Variants in DLG2 observed in about 807,000 individuals in gnomAD.
DLG2 encodes discs large MAGUK scaffold protein 2.
In DLG2, 45 loss-of-function variants were observed where a neutral mutation model predicts 132.5. That is an observed-to-expected ratio of 0.34 (90% CI 0.27 to 0.44). The LOEUF is 0.44. Ranked by LOEUF, DLG2 falls within the 20% of genes least tolerant of loss-of-function variation. The pLI is 1.00. For missense variants in DLG2, 1,045 were observed against 1,196.9 expected, an observed-to-expected ratio of 0.87 and a Z score of 1.87; for synonymous variants, 424 against 419.6, an observed-to-expected ratio of 1.01 and a Z score of -0.13.
At chr11:84,427,059 T>C (rs895821542) in intron 7 of DLG2, among the ~76,000 whole-genome samples, 1 of 152,118 alleles carries the variant, frequency 6.6e-6, no homozygotes, top group African/African-American at 2.4e-5. Context: ...GAGATATAAT[T>C]ACACACCTCC....
intron 3 of DLG2, among the ~76,000 whole-genome samples, chr11:85,351,446 T>G (rs1004101644): frequency 6.6e-6 from 1 of 152,200 alleles, no homozygotes; most frequent in Non-Finnish European, 1.5e-5. Flanking sequence ...TCCAACACTA[T>G]GTTGAATAGG....
At chr11:84,985,948 C>T (rs1216098290) in intron 6 of DLG2, among the ~76,000 whole-genome samples, 1 of 122,590 alleles carries the variant, frequency 8.2e-6, no homozygotes, top group Non-Finnish European at 1.6e-5. Flanking sequence ...GCCACGATTG[C>T]ACCATTGCAC....
At chr11:83,769,376 C>G (rs1231110628) in intron 18 of DLG2, among the ~76,000 whole-genome samples, 1 of 152,104 alleles carries the variant, frequency 6.6e-6, no homozygotes, top group African/African-American at 2.4e-5. Context: ...ACTAGAGTCA[C>G]TCCTTTCCCC....
At chr11:83,692,294 T>C (rs780885890) in intron 18 of DLG2, among the ~76,000 whole-genome samples, 2 of 152,250 alleles carry the variant, frequency 1.3e-5, no homozygotes, top group Non-Finnish European at 2.9e-5. Context: ...CTTAAAATTA[T>C]TGGCAAATCA....
intron 3 of DLG2, among the ~76,000 whole-genome samples, chr11:85,335,316 T>C (rs1271050252): frequency 6.6e-6 from 1 of 152,144 alleles, no homozygotes; most frequent in African/African-American, 2.4e-5. Context: ...TGTCACTGCA[T>C]GTGAGACGGG....
At position 83,940,649 on chromosome 11, in the gene DLG2, T is replaced by C. The variant is rs137893836; in HGVS notation, c.1341-10166A>G. On this transcript the variant is annotated intron_variant, in intron 14 of 27. Coordinates refer to ENST00000376104, the MANE Select transcript of DLG2 (RefSeq NM_001142699.3). The stretch of plus-strand genomic sequence containing the variant: ...ATACTTGCCCTCAGTGATCTGATTA[T>C]ATTTCTTGGTCATATTAGCAATTAT... 5.9e-3 allele frequency among the ~76,000 whole-genome samples: 904 copies of C among 152,310 alleles called. 4 individuals carry two copies. Among genetic ancestry groups the C allele is most frequent in the Middle Eastern group, 0.048 (14 of 294 alleles).
intron 7 of DLG2, among the ~76,000 whole-genome samples, chr11:84,523,988 A>G (rs1457410152): frequency 6.6e-6 from 1 of 152,174 alleles, no homozygotes; most frequent in Admixed American, 6.5e-5. Flanking sequence ...TTCAAAACCC[A>G]TAGAGAGAAC....
chr11:85,421,873 G>C (rs1385136639), intron 3 of DLG2, among the ~76,000 whole-genome samples: 1 of 152,052 alleles, frequency 6.6e-6, no homozygotes, highest in Non-Finnish European at 1.5e-5. Context: ...TTTTGCAGTG[G>C]TGGGTCGGTA....
intron 3 of DLG2, among the ~76,000 whole-genome samples, chr11:85,302,104 A>G (rs2079620725): frequency 6.6e-6 from 1 of 152,194 alleles, no homozygotes; most frequent in Non-Finnish European, 1.5e-5. Context: ...ATTCACAGGA[A>G]GGTAGACTCA....
intron 6 of DLG2, among the ~76,000 whole-genome samples, chr11:85,099,102 A>C (rs1366177948): frequency 6.6e-6 from 1 of 152,210 alleles, no homozygotes; most frequent in East Asian, 1.9e-4. Context: ...TGCTGTTAAA[A>C]GTTTTCTTCG....
rs143647079 is a variant in DLG2, at chr11:83,645,765, G to A, written c.1826-12440C>T. On this transcript the variant is annotated intron_variant, in intron 18 of 27. Coordinates refer to ENST00000376104, the MANE Select transcript of DLG2 (RefSeq NM_001142699.3). ...GTCAATTATTTGCAGTTTGTACAAC[G>A]AAAGGCTAAAAATTTGGGAGATGCA... is the stretch of plus-strand genomic sequence containing the variant. 7.2e-5 allele frequency: 11 copies of A among 152,212 alleles called. No individual in the cohort carries two copies. The East Asian group carries it at 1.7e-3, about 24-fold the overall frequency. The allele number at this position is 152,212 out of a possible 1,614,324, so 9.4% of individuals were successfully genotyped here. A position where few individuals can be genotyped will look rare whatever the true frequency, so the allele number is the denominator to read the frequency against.
chr11:84,909,894 A>T (rs1566357506), intron 6 of DLG2, among the ~76,000 whole-genome samples: 1 of 152,176 alleles, frequency 6.6e-6, no homozygotes, highest in Non-Finnish European at 1.5e-5. Context: ...AAATCCCTGC[A>T]TCCTGCCTCT....
chr11:84,512,987 G>C (rs191631451), intron 7 of DLG2, among the ~76,000 whole-genome samples: 1 of 151,946 alleles, frequency 6.6e-6, no homozygotes, highest in African/African-American at 2.4e-5. Flanking sequence ...GGGCCTGTTG[G>C]GGTTGGGGGA....
intron 20 of DLG2, among the ~76,000 whole-genome samples, chr11:83,537,332 C>G (rs7930252): frequency 0.66 from 99,928 of 151,958 alleles, 33,454 homozygotes; most frequent in Middle Eastern, 0.75. Flanking sequence ...ATTTGTCCTT[C>G]GGAGTTCCTA....
chr11:84,579,626 G>A (rs1356956658), intron 6 of DLG2, among the ~76,000 whole-genome samples: 2 of 152,158 alleles, frequency 1.3e-5, no homozygotes, highest in Non-Finnish European at 2.9e-5. Context: ...TTGGCAAGGT[G>A]AATCTGTGGG....
At chr11:83,930,649 A>C (rs2080007141) in intron 14 of DLG2, among the ~76,000 whole-genome samples, 166 bp from the exon 15 acceptor site, 1 of 152,216 alleles carries the variant, frequency 6.6e-6, no homozygotes, top group Non-Finnish European at 1.5e-5. Context: ...TCTTATAATA[A>C]AGACTTTATT....
At chr11:84,096,370 T>G (rs1175330030) in intron 10 of DLG2, among the ~76,000 whole-genome samples, 1 of 152,190 alleles carries the variant, frequency 6.6e-6, no homozygotes. Flanking sequence ...TCTTTTCAAC[T>G]ACGAATGAAT....
intron 4 of DLG2, among the ~76,000 whole-genome samples, chr11:85,210,414 T>C (rs933240035): frequency 6.6e-6 from 1 of 152,176 alleles, no homozygotes; most frequent in African/African-American, 2.4e-5. Context: ...CTTTCAAAGA[T>C]ATCCATATGG....
intron 8 of DLG2, among the ~76,000 whole-genome samples, chr11:84,227,369 C>T (rs2097016391): frequency 6.6e-6 from 1 of 151,998 alleles, no homozygotes. Flanking sequence ...GAGAGACACA[C>T]AATGGATATG....
Sources: allele counts gnomAD v4.1 joint callset (sites outside exome capture counted in the v4.1 genomes callset), GRCh38; gene constraint gnomAD v4.1.1; transcripts MANE v1.5; gene names NCBI Gene and HGNC (gene_info 2026-07-23, HGNC 2026-07-21).